The following DLC1 variants were observed in gnomAD, a reference collection of about 807,000 sequenced individuals.
DLC1 encodes rho GTPase-activating protein 7.
A neutral mutation model predicts 140.3 loss-of-function variants in DLC1; 54 were observed. That is an observed-to-expected ratio of 0.38 (90% CI 0.31 to 0.48). The LOEUF is 0.48. Ranked by LOEUF, DLC1 falls within the 20% of genes least tolerant of loss-of-function variation. The pLI, the probability that DLC1 is intolerant of heterozygous loss-of-function variation, is 0.96. For synonymous variants in DLC1, 986 were observed against 728.1 expected (o/e 1.35, Z -5.70); for missense variants, 2,536 against 1,907.0 (o/e 1.33, Z -6.14).
chr8:13,597,594 C>G (rs1458581805), intron 1 of DLC1, among the ~76,000 whole-genome samples: 2 of 151,882 alleles, frequency 1.3e-5, no homozygotes, highest in Non-Finnish European at 2.9e-5. Context: ...GTGTGTTTTA[C>G]ATTGTAATGT....
At chr8:13,312,790 A>G (rs1444107300) in intron 4 of DLC1, among the ~76,000 whole-genome samples, 2 of 152,162 alleles carry the variant, frequency 1.3e-5, no homozygotes, top group East Asian at 3.9e-4. Context: ...GTAGCCACTT[A>G]GAAATACTGA....
intron 1 of DLC1, among the ~76,000 whole-genome samples, chr8:13,592,596 C>T (rs374538569): frequency 1.3e-5 from 2 of 151,984 alleles, no homozygotes; most frequent in Admixed American, 6.6e-5. Context: ...GGTGACTGAG[C>T]AGCCATTTGT....
intron 4 of DLC1, 63 bp downstream of exon 4, chr8:13,393,490 A>C (rs927867823): frequency 3.3e-6 from 5 of 1,522,570 alleles, no homozygotes; most frequent in South Asian, 2.5e-5. Flanking sequence ...ATGAATATCA[A>C]CTCTTACCTG....
chr8:13,347,964 C>T (rs112974453), intron 4 of DLC1, among the ~76,000 whole-genome samples: 19,763 of 152,124 alleles, frequency 0.13, 1,447 homozygotes, highest in South Asian at 0.23. Context: ...TGGCAGGCAC[C>T]TGTAGTCCCA....
At chr8:13,251,551 T>C (rs1466828559) in intron 5 of DLC1, among the ~76,000 whole-genome samples, 2 of 152,218 alleles carry the variant, frequency 1.3e-5, no homozygotes, top group African/African-American at 2.4e-5. Context: ...ACAAACTGCA[T>C]TGAGGCAAGG....
chr8:13,305,818 C>T lies in DLC1; in HGVS notation c.1315-516G>A, dbSNP rs186055165. Among the ~76,000 whole-genome samples the T allele has an allele frequency of 8.3e-4, 127 of 152,320 alleles. 1 individual carries two copies. Among genetic ancestry groups the T allele is most frequent in the South Asian group, 2.5e-3 (12 of 4,826 alleles). On this transcript the variant is annotated intron_variant, in intron 4 of 17. Transcript: ENST00000276297. ...GTGCTACAGACTCCAGCCTGGGCAA[C>T]ACAGTCAGACCCCATCGCAAACAAA...
At position 13,141,256 on chromosome 8, in the gene DLC1, CAAAAAAAAAAAAAA is replaced by C. The variant is rs34321250; in HGVS notation, c.1349-25613_1349-25600del. On this transcript the variant is annotated intron_variant, in intron 5 of 17. Coordinates refer to ENST00000276297, the MANE Select transcript of DLC1 (RefSeq NM_182643.3). ...GGTGACACAGTGCAAGAGTCTGTCT[CAAAAAAAAAAAAAA>C]AAAAAAAAAAAAAAGCCAGCTGCTA... is the stretch of plus-strand genomic sequence containing the variant. Among the ~76,000 whole-genome samples the C allele has an allele frequency of 1.3e-3, 84 of 63,770 alleles. 1 individual carries two copies. The highest frequency in any genetic ancestry group is 6.8e-3 in the African/African-American group (79 of 11,548). The allele number at this position is 63,770 out of a possible 152,430, so 41.8% of individuals were successfully genotyped here.
intron 5 of DLC1, among the ~76,000 whole-genome samples, chr8:13,255,400 A>AGTGT: frequency 1.3e-5 from 2 of 152,218 alleles, no homozygotes; most frequent in South Asian, 4.2e-4. Flanking sequence ...TATAAAAGGA[A>AGTGT]CTCCATAAAT....
rs975770335 is a variant in DLC1, at chr8:13,085,166, A to G, written c.*645T>C. The G allele has an allele frequency of 6.6e-6, 1 of 152,144 alleles. No individual in the cohort carries two copies. The highest frequency in any genetic ancestry group is 2.1e-4 in the South Asian group (1 of 4,810). 9.4% of individuals were successfully genotyped at this position (152,144 alleles called of 1,614,324 possible). On this transcript the variant is annotated 3_prime_UTR_variant, in exon 18 of 18. Transcript: ENST00000276297. ...AAAAGGAATATGCTTAATAACTTCG[A>G]AAAAAAATACCCATAAATGGACAAG...
At chr8:13,171,411 C>T (rs908703976) in intron 5 of DLC1, among the ~76,000 whole-genome samples, 5 of 152,160 alleles carry the variant, frequency 3.3e-5, no homozygotes, top group Non-Finnish European at 7.3e-5. Flanking sequence ...GTGACAGGGT[C>T]TTGCTCTGTC....
At chr8:13,455,633 C>T (rs188291466) in intron 2 of DLC1, among the ~76,000 whole-genome samples, 3 of 152,306 alleles carry the variant, frequency 2.0e-5, no homozygotes, top group Admixed American at 6.5e-5. Flanking sequence ...TCTTCTCTGG[C>T]CACCCTGTGC....
intron 4 of DLC1, among the ~76,000 whole-genome samples, chr8:13,329,833 T>A (rs1191839340): frequency 6.6e-6 from 1 of 152,212 alleles, no homozygotes; most frequent in East Asian, 1.9e-4. Context: ...GTGTGGTAAC[T>A]TTCATGTAGT....
At chr8:13,185,660 T>C (rs1000504058) in intron 5 of DLC1, among the ~76,000 whole-genome samples, 8 of 152,132 alleles carry the variant, frequency 5.3e-5, no homozygotes, top group African/African-American at 1.7e-4. Flanking sequence ...AAGGTTAATA[T>C]TGTTATGTGT....
chr8:13,324,391 AC>A (rs71207141), intron 4 of DLC1, among the ~76,000 whole-genome samples: 129,037 of 151,408 alleles, frequency 0.85, 55,434 homozygotes, highest in East Asian at 0.95. Flanking sequence ...ATACGGTGAA[AC>A]CCTGTCTCTA....
chr8:13,240,216 A>T (rs1052974181), intron 5 of DLC1, among the ~76,000 whole-genome samples: 1 of 152,106 alleles, frequency 6.6e-6, no homozygotes, highest in East Asian at 1.9e-4. Flanking sequence ...CTTTTCCCGT[A>T]GTAGTGTCCT....
intron 5 of DLC1, among the ~76,000 whole-genome samples, chr8:13,288,265 A>G (rs1258139387): frequency 6.6e-6 from 1 of 152,244 alleles, no homozygotes; most frequent in Non-Finnish European, 1.5e-5. Context: ...CCTTTAATAC[A>G]GAACTAAGAA....
intron 4 of DLC1, among the ~76,000 whole-genome samples, chr8:13,317,777 G>C (rs1219139126): frequency 6.6e-6 from 1 of 152,106 alleles, no homozygotes; most frequent in Non-Finnish European, 1.5e-5. Context: ...GGCAGAAGTT[G>C]AGAAGAGTGG....
chr8:13,188,047 A>G (rs1826487871), intron 5 of DLC1, among the ~76,000 whole-genome samples: 1 of 148,520 alleles, frequency 6.7e-6, no homozygotes, highest in African/African-American at 2.5e-5. Context: ...AATCCAGGAT[A>G]TTTATTTTAA....
intron 7 of DLC1, among the ~76,000 whole-genome samples, chr8:13,103,864 GAAA>G (rs1819323981): frequency 2.9e-5 from 4 of 137,742 alleles, no homozygotes; most frequent in African/African-American, 1.1e-4. Flanking sequence ...AAAAAAGAAA[GAAA>G]GAAAAGAAAA....
Sources: gnomAD v4.1 joint callset for allele counts (sites outside exome capture counted in the v4.1 genomes callset) on GRCh38, gnomAD v4.1.1 for gene constraint, MANE v1.5 for transcripts, NCBI Gene and HGNC (gene_info 2026-07-23, HGNC 2026-07-21) for gene names.